The following AK4 variants were observed in gnomAD, a reference collection of about 807,000 sequenced individuals.
The protein encoded by AK4 is adenylate kinase 4.
In AK4, 13 loss-of-function variants were observed where a neutral mutation model predicts 24.6. The observed-to-expected ratio is 0.53, with a 90% CI of 0.34 to 0.84. AK4 has a LOEUF of 0.84. Among genes scored for constraint, AK4 ranks in the 40% least tolerant of loss-of-function variants. The pLI, the probability that AK4 is intolerant of heterozygous loss-of-function variation, is 0.01. For synonymous variants in AK4, 88 were observed against 107.0 expected (o/e 0.82, Z 1.10); for missense variants, 192 against 288.2 (o/e 0.67, Z 2.42).
intron 1 of AK4, among the ~76,000 whole-genome samples, chr1:65,163,271 A>C (rs1261125749): frequency 6.6e-6 from 1 of 152,260 alleles, no homozygotes; most frequent in Non-Finnish European, 1.5e-5. Flanking sequence ...TTACCTTCTG[A>C]TAAAAGAAAA....
intron 3 of AK4, among the ~76,000 whole-genome samples, chr1:65,221,933 A>G (rs747616828): frequency 6.6e-6 from 1 of 152,204 alleles, no homozygotes; most frequent in African/African-American, 2.4e-5. Flanking sequence ...ATCTCATGCC[A>G]GGAAAATTTA....
At chr1:65,212,593 A>G (rs1652004677) in intron 2 of AK4, among the ~76,000 whole-genome samples, 1 of 152,130 alleles carries the variant, frequency 6.6e-6, no homozygotes, top group Non-Finnish European at 1.5e-5. Context: ...GGCTTATGCA[A>G]TCCTTCTACC....
intron 2 of AK4, among the ~76,000 whole-genome samples, chr1:65,208,548 A>G (rs928508906): frequency 6.6e-6 from 1 of 152,212 alleles, no homozygotes; most frequent in African/African-American, 2.4e-5. Context: ...TACTTATTCA[A>G]CAACTGGGAA....
Position 65,218,803 on chromosome 1 carries a change from A to G in AK4, c.315A>G (p.Glu105=), listed in dbSNP as rs751902185. The part of the protein sequence containing the change: ...GQAEALDKIC[E]VDLVISLNIP... ...CCGAAGCCCTGGACAAAATCTGTGA[A>G]GTGGATCTAGTGATCAGTTTGAATA... The change falls in exon 3 of 5, where the codon GAA becomes GAG. Residue 105 remains glutamate, a synonymous_variant. Coordinates refer to ENST00000327299, the MANE Select transcript of AK4 (RefSeq NM_013410.4). 53 of 1,597,194 alleles carry G rather than the reference A, an allele frequency of 3.3e-5. No individual in the cohort carries two copies. The highest frequency in any genetic ancestry group is 4.4e-5 in the Non-Finnish European group (52 of 1,174,074).
chr1:65,184,710 G>C lies in AK4; in HGVS notation c.146-6000G>C, dbSNP rs574122708. 4.6e-5 allele frequency among the ~76,000 whole-genome samples: 7 copies of C among 152,336 alleles called. No individual in the cohort carries two copies. In the South Asian group the frequency reaches 1.5e-3, roughly 32 times the overall value. On this transcript the variant is annotated intron_variant, in intron 1 of 4. Transcript: ENST00000327299. ...TCTTCCAAGCAAACTGACAAGGGTA[G>C]ATGAAGGTCCAGTTTTCCGAAATGG...
In AK4 at chr1:65,170,385, C is replaced by T. The variant is rs529727453; in HGVS notation, c.146-20325C>T. On this transcript the variant is annotated intron_variant, in intron 1 of 4. Transcript: ENST00000327299. ...TCCGTCTCACACACACACACACACA[C>T]ACAAAAAAAATCAGTTTTAAGGTAT... Among the ~76,000 whole-genome samples the T allele has an allele frequency of 2.3e-5, 3 of 131,892 alleles. No homozygotes were observed. In the East Asian group the frequency reaches 7.9e-4, roughly 35 times the overall value. The allele number at this position is 131,892 out of a possible 152,430, so 86.5% of individuals were successfully genotyped here.
chr1:65,197,161 C>T (rs1651497647), intron 2 of AK4, among the ~76,000 whole-genome samples: 1 of 152,164 alleles, frequency 6.6e-6, no homozygotes, highest in Non-Finnish European at 1.5e-5. Flanking sequence ...AGCCAAACCA[C>T]ATCAGGCCAG....
intron 1 of AK4, among the ~76,000 whole-genome samples, chr1:65,187,381 G>T (rs569541768): frequency 1.7e-4 from 26 of 151,872 alleles, no homozygotes; most frequent in African/African-American, 6.3e-4. Context: ...AGTGTCCAGG[G>T]TAGGCAAATC....
At chr1:65,172,103 A>ATATATTTTTT (rs1553122938) in intron 1 of AK4, among the ~76,000 whole-genome samples, 1 of 115,500 alleles carries the variant, frequency 8.7e-6, no homozygotes, top group East Asian at 3.0e-4. Context: ...ATATATATAT[A>ATATATTTTTT]TTTAAACTCA....
intron 2 of AK4, among the ~76,000 whole-genome samples, chr1:65,196,743 G>T (rs536518297): frequency 6.6e-6 from 1 of 152,292 alleles, no homozygotes; most frequent in South Asian, 2.1e-4. Flanking sequence ...TGGGATTACA[G>T]GCATGAGCCA....
At chr1:65,172,076 TA>T (rs1364943211) in intron 1 of AK4, among the ~76,000 whole-genome samples, 1 of 77,368 alleles carries the variant, frequency 1.3e-5, no homozygotes, top group East Asian at 3.0e-4. Flanking sequence ...TATATATATA[TA>T]TATATATATA....
upstream of AK4, chr1:65,147,881 A>G (rs919239912): frequency 6.6e-5 from 10 of 152,136 alleles, no homozygotes; most frequent in African/African-American, 2.2e-4. Context: ...ACGTGCGAGG[A>G]CCGGGCAGGG....
intron 2 of AK4, among the ~76,000 whole-genome samples, chr1:65,206,733 C>T (rs987357921): frequency 1.3e-5 from 2 of 152,204 alleles, no homozygotes; most frequent in African/African-American, 4.8e-5. Flanking sequence ...GAGCTATGAT[C>T]GCATCACTGC....
chr1:65,154,525 C>G, intron 1 of AK4: 1 of 527,220 alleles, frequency 1.9e-6, no homozygotes, highest in Admixed American at 1.9e-5. Context: ...AAAATTCAGC[C>G]AGGGTTCTCG....
At chr1:65,170,181 G>T (rs999398828) in intron 1 of AK4, among the ~76,000 whole-genome samples, 4 of 152,000 alleles carry the variant, frequency 2.6e-5, no homozygotes, top group African/African-American at 9.7e-5. Context: ...TTGAGACCAC[G>T]GTGAAACCCC....
chr1:65,220,969 T>C (rs1356037951), intron 3 of AK4, among the ~76,000 whole-genome samples: 1 of 152,156 alleles, frequency 6.6e-6, no homozygotes, highest in Non-Finnish European at 1.5e-5. Context: ...ATAGTTGATG[T>C]GCAGAGTGGG....
At chr1:65,218,949 C>T in intron 3 of AK4, 23 bp downstream of exon 3, 1 of 1,505,678 alleles carries the variant, frequency 6.6e-7, no homozygotes, top group Admixed American at 2.2e-5. Context: ...AAAGTGCTTT[C>T]ACAACCTGAC....
chr1:65,203,065 A>AT, intron 2 of AK4, among the ~76,000 whole-genome samples: 1 of 151,754 alleles, frequency 6.6e-6, no homozygotes, highest in African/African-American at 2.4e-5. Flanking sequence ...TAGAAATGGG[A>AT]TTTTGCTATG....
intron 2 of AK4, among the ~76,000 whole-genome samples, chr1:65,194,120 G>T (rs115055782): frequency 1.3e-5 from 2 of 152,280 alleles, no homozygotes; most frequent in Non-Finnish European, 2.9e-5. Flanking sequence ...TTTGTATAAA[G>T]TGTGCCCTCA....
Sources: gnomAD v4.1 joint callset for allele counts (sites outside exome capture counted in the v4.1 genomes callset) on GRCh38, gnomAD v4.1.1 for gene constraint, MANE v1.5 for transcripts, NCBI Gene and HGNC (gene_info 2026-07-23, HGNC 2026-07-21) for gene names.